The following MACF1 variants were observed in gnomAD, a reference collection of about 807,000 sequenced individuals.
The protein encoded by MACF1 is microtubule actin crosslinking factor 1.
Under a neutral mutation model 854.8 loss-of-function variants are expected in MACF1, and 193 were observed. That is an observed-to-expected ratio of 0.23 (90% CI 0.20 to 0.25). The LOEUF is 0.25. Ranked by LOEUF, MACF1 falls within the 10% of genes least tolerant of loss-of-function variation. The pLI, the probability that MACF1 is intolerant of heterozygous loss-of-function variation, is 1.00. For synonymous variants in MACF1, 3,185 were observed against 3,226.7 expected (o/e 0.99, Z 0.44); for missense variants, 7,722 against 8,929.1 (o/e 0.86, Z 5.45).
intron 2 of MACF1, among the ~76,000 whole-genome samples, chr1:39,178,983 A>G (rs1179654574): frequency 6.6e-6 from 1 of 152,212 alleles, no homozygotes; most frequent in Non-Finnish European, 1.5e-5. Flanking sequence ...GTCAGAACAT[A>G]AGGAGTTAAA....
In MACF1 at chr1:39,282,236, C is replaced by T; in HGVS notation, c.557C>T (p.Ser186Leu). 6.2e-7 allele frequency: 1 copy of T among 1,613,976 alleles called. No homozygotes were observed. Among genetic ancestry groups the T allele is most frequent in the Non-Finnish European group, 8.5e-7 (1 of 1,179,932 alleles). The change falls in exon 7 of 101, where the codon TCA (serine) becomes TTA (leucine). Residue 186 changes from serine to leucine, a missense_variant. Physicochemically the swap from Ser to Leu is moderately radical, Grantham distance 145. Coordinates refer to ENST00000564288, the MANE Select transcript of MACF1 (RefSeq NM_001394062.1). Reference sequence around the variant, plus strand: ...TCTGACATCTACATTAGTGGAGAATCAGGGGATATGTCAGCCAAGGAGAAA... The same window carrying T: ...TCTGACATCTACATTAGTGGAGAATTAGGGGATATGTCAGCCAAGGAGAAA... ...QISDIYISGE[S>L]GDMSAKEKLL...
rs143261539 is a variant in MACF1 at position 39,282,267 on chromosome 1, C to T, written c.588C>T (p.Leu196=). The T allele has an allele frequency of 1.1e-5, 17 of 1,613,934 alleles. No homozygotes were observed. The African/African-American group carries it at 2.1e-4, about 20-fold the overall frequency. Reference sequence around the variant, plus strand: ...ATATGTCAGCCAAGGAGAAACTACTCCTGTGGACCCAGAAGGTGACAGCTG... The same window carrying T: ...ATATGTCAGCCAAGGAGAAACTACTTCTGTGGACCCAGAAGGTGACAGCTG... ...SGDMSAKEKL[L]LWTQKVTAGY... The change falls in exon 7 of 101, where the codon CTC becomes CTT. Residue 196 remains leucine (L), a synonymous_variant. Coordinates refer to ENST00000564288, the MANE Select transcript of MACF1 (RefSeq NM_001394062.1).
intron 1 of MACF1, among the ~76,000 whole-genome samples, chr1:39,226,839 AAAAG>A (rs1315480580): frequency 6.6e-6 from 1 of 152,234 alleles, no homozygotes; most frequent in Non-Finnish European, 1.5e-5. Flanking sequence ...TTTTATAAAA[AAAAG>A]AAATTATAAA....
At chr1:39,238,800 C>T (rs1005475074) in intron 2 of MACF1, among the ~76,000 whole-genome samples, 7 of 152,202 alleles carry the variant, frequency 4.6e-5, no homozygotes, top group Non-Finnish European at 8.8e-5. Flanking sequence ...AACATTTGCT[C>T]ATCTTGGGAT....
At chr1:39,134,880 T>C (rs892568222) in intron 2 of MACF1, among the ~76,000 whole-genome samples, 1 of 152,214 alleles carries the variant, frequency 6.6e-6, no homozygotes, top group Admixed American at 6.5e-5. Context: ...GTCACTATTA[T>C]CTATCTCTAG....
Position 39,379,284 on chromosome 1 carries a change from A to G in MACF1, c.13358A>G (p.Glu4453Gly), listed in dbSNP as rs1649985388. ...GGGGGAGTACTTCATGAACGCCAGG[A>G]AAGCCTTCAGGCTATCCTCAACAGA... is the stretch of plus-strand genomic sequence containing the variant. ...KLGGVLHERQ[E>G]SLQAILNRME... Residue 4453 changes from glutamate to glycine, a missense_variant, in exon 54 of 101, where the codon GAA becomes GGA. By Grantham distance (98) the Glu-to-Gly change is moderately conservative (BLOSUM62 -2). This residue lies in a region of MACF1 where 2,807 missense variants were observed against 3,235.8 expected (regional missense o/e 0.87). Coordinates refer to ENST00000564288, the MANE Select transcript of MACF1 (RefSeq NM_001394062.1). The G allele has an allele frequency of 6.2e-7, 1 of 1,613,588 alleles. No individual in the cohort carries two copies. Among genetic ancestry groups the G allele is most frequent in the Admixed American group, 1.7e-5 (1 of 59,898 alleles).
rs1644736541 is a variant in MACF1 at position 39,469,530 on chromosome 1, C to T, written c.21890-17C>T. The T allele has an allele frequency of 3.9e-6, 6 of 1,537,852 alleles. No homozygotes were observed. The highest frequency in any genetic ancestry group is 2.4e-5 in the South Asian group (2 of 83,814). Reference sequence around the variant, plus strand: ...TGCCCTGTCTGTTTCTTTCTGTTTACGTATTTTTTATTCTAGTTCACCATC... The same window carrying T: ...TGCCCTGTCTGTTTCTTTCTGTTTATGTATTTTTTATTCTAGTTCACCATC... On this transcript the variant is annotated splice_polypyrimidine_tract_variant and intron_variant, in intron 96 of 100. Transcript: ENST00000564288.
chr1:39,303,209 T>A (rs906920928), intron 23 of MACF1, 131 bp downstream of exon 23: 10 of 1,031,552 alleles, frequency 9.7e-6, no homozygotes, highest in Non-Finnish European at 1.4e-5. Flanking sequence ...AGGCTTCTCA[T>A]TGGAGATATC....
At position 39,448,850 on chromosome 1, in the gene MACF1, TAATGC is replaced by T. The variant is rs1362151365; in HGVS notation, c.20258+89_20258+93del. Reference sequence around the variant, plus strand: ...AGATTCTATAAAATGGTGATAAAGCTAATGCATCAGTAAGAGGTTTTGTACCATCT... The same window carrying T: ...AGATTCTATAAAATGGTGATAAAGCTATCAGTAAGAGGTTTTGTACCATCT... On this transcript the variant is annotated intron_variant, in intron 84 of 100. Transcript: ENST00000564288. The T allele has an allele frequency of 3.3e-5, 36 of 1,086,738 alleles. 1 individual carries two copies. The highest frequency in any genetic ancestry group is 3.0e-4 in the East Asian group (12 of 40,648). The allele number at this position is 1,086,738 out of a possible 1,614,324, so 67.3% of individuals were successfully genotyped here.
intron 23 of MACF1, among the ~76,000 whole-genome samples, chr1:39,305,910 A>G (rs773036199): frequency 3.7e-4 from 56 of 152,138 alleles, no homozygotes; most frequent in Non-Finnish European, 5.6e-4. Context: ...CACTAACTGC[A>G]TGCCACTCTC....
chr1:39,120,719 G>T (rs1422284940), intron 2 of MACF1, among the ~76,000 whole-genome samples: 1 of 152,124 alleles, frequency 6.6e-6, no homozygotes. Flanking sequence ...TACATAATAG[G>T]TGTATGTATT....
intron 58 of MACF1, among the ~76,000 whole-genome samples, chr1:39,405,552 G>A (rs925262230): frequency 1.3e-5 from 2 of 152,200 alleles, no homozygotes; most frequent in Non-Finnish European, 2.9e-5. Context: ...TCCAAAACTT[G>A]GAAAGGGAGC....
chr1:39,292,809 T>C lies in MACF1; in HGVS notation c.1958T>C (p.Leu653Pro), dbSNP rs753107256. 3 of 1,613,384 alleles carry C rather than the reference T, an allele frequency of 1.9e-6. No individual in the cohort carries two copies. In the Admixed American group the frequency reaches 5.0e-5, roughly 27 times the overall value. Reference protein sequence around the residue: ...QNFHTSYAETLGKLETQYCKL... With the variant: ...QNFHTSYAETPGKLETQYCKL... ...TTCCATACCAGCTATGCTGAAACTC[T>C]TGGAAAGCTGGAGACACAGTATTGT... The change falls in exon 17 of 101, where the codon CTT (leucine) becomes CCT (proline). Residue 653 changes from leucine to proline, a missense_variant. Leu to Pro is a moderately conservative substitution (Grantham distance 98, BLOSUM62 -3). This residue lies in a region of MACF1 where 1,137 missense variants were observed against 1,263.0 expected (regional missense o/e 0.90). Coordinates refer to ENST00000564288, the MANE Select transcript of MACF1 (RefSeq NM_001394062.1).
chr1:39,431,372 T>C (rs892206900), intron 66 of MACF1, among the ~76,000 whole-genome samples: 1 of 152,246 alleles, frequency 6.6e-6, no homozygotes, highest in South Asian at 2.1e-4. Flanking sequence ...CATATTTCCC[T>C]TGATCTTTTT....
chr1:39,335,064 G>A lies in MACF1; in HGVS notation c.8476G>A (p.Val2826Ile). 6.2e-7 allele frequency: 1 copy of A among 1,614,050 alleles called. No homozygotes were observed. The highest frequency in any genetic ancestry group is 8.5e-7 in the Non-Finnish European group (1 of 1,179,968). Residue 2826 changes from valine to isoleucine, a missense_variant, in exon 37 of 101, where the codon GTT becomes ATT. Around this residue, in one of 15 missense-constraint regions of MACF1, gnomAD observed 1,531 missense variants for 1,601.6 expected, o/e 0.96. Transcript: ENST00000564288. The part of the protein sequence containing the change: ...QVENQSAQEK[V>I]KVRVSDGEQA... ...TGAAAATCAGTCTGCACAAGAAAAG[G>A]TTAAAGTGAGAGTTTCTGATGGGGA...
intron 2 of MACF1, among the ~76,000 whole-genome samples, chr1:39,231,644 C>T (rs1228416156): frequency 2.0e-5 from 3 of 152,094 alleles, no homozygotes; most frequent in Middle Eastern, 3.4e-3. Context: ...TTTAAAAATT[C>T]GAAGAACAGT....
intron 2 of MACF1, among the ~76,000 whole-genome samples, chr1:39,136,558 A>G (rs1368202963): frequency 1.3e-5 from 2 of 152,204 alleles, no homozygotes; most frequent in Non-Finnish European, 2.9e-5. Context: ...GCTCATGGAC[A>G]TAGAGACACG....
At chr1:39,085,628 A>G (rs1428732705) in intron 2 of MACF1, among the ~76,000 whole-genome samples, 5 of 152,216 alleles carry the variant, frequency 3.3e-5, no homozygotes, top group Admixed American at 6.5e-5. Flanking sequence ...ATTCTATTTT[A>G]TGAAATGAAG....
rs138826223 is a variant in MACF1, at chr1:39,177,402, G to A, written c.221-53780G>A. ...CTCCCAAAGTGCTGGCATTACAGGC[G>A]TGAGCCACCTTTCCCGGCCTAACTA... On this transcript the variant is annotated intron_variant, in intron 2 of 93. Transcript: ENST00000361689. Among the ~76,000 whole-genome samples the A allele has an allele frequency of 9.5e-3, 1,449 of 152,258 alleles. 6 individuals carry two copies. The highest frequency in any genetic ancestry group is 0.015 in the Non-Finnish European group (1,010 of 68,022).
Sources: allele counts gnomAD v4.1 joint callset (sites outside exome capture counted in the v4.1 genomes callset), GRCh38; gene constraint gnomAD v4.1.1; regional missense constraint gnomAD v4.1.1; transcripts MANE v1.5; gene names NCBI Gene and HGNC (gene_info 2026-07-23, HGNC 2026-07-21).